ENTHD1: variants seen among roughly 807,000 people sequenced by gnomAD.
The protein encoded by ENTHD1 is ENTH domain containing 1.
In ENTHD1, 23 loss-of-function variants were observed where a neutral mutation model predicts 39.1. The observed-to-expected ratio is 0.59, with a 90% CI of 0.42 to 0.83. The LOEUF (loss-of-function observed/expected upper bound fraction) is 0.83, where lower values mean the gene tolerates loss of function less well. Ranked by LOEUF, ENTHD1 falls within the 40% of genes least tolerant of loss-of-function variation. ENTHD1 has a pLI of 0.00. For synonymous variants in ENTHD1, 230 were observed against 258.2 expected (o/e 0.89, Z 1.05); for missense variants, 624 against 705.4 (o/e 0.88, Z 1.31).
chr22:39,861,655 A>G (rs1393175989), intron 3 of ENTHD1, 110 bp downstream of exon 3: 1 of 910,560 alleles, frequency 1.1e-6, no homozygotes, highest in African/African-American at 1.7e-5. Flanking sequence ...ATATGGTAAT[A>G]GTAATACTAA....
In ENTHD1 at chr22:39,744,061, T is replaced by C. The variant is rs768245834; in HGVS notation, c.1442A>G (p.Asp481Gly). The C allele has an allele frequency of 3.1e-6, 5 of 1,614,134 alleles. No homozygotes were observed. The Admixed American group carries it at 8.3e-5, about 27-fold the overall frequency. The change falls in exon 7 of 7, where the codon GAT (aspartate) becomes GGT (glycine). Residue 481 changes from aspartate to glycine, a missense_variant. Asp to Gly is a moderately conservative substitution (Grantham distance 94). Transcript: ENST00000325157. ...SFASRGPVSS[D>G]VEENDSLNLL... ...ATTGAGGCTATCATTTTCCTCTACA[T>C]CAGAAGACACTGGGCCCCTAGAAGC... is the stretch of plus-strand genomic sequence containing the variant.
chr22:39,868,046 T>G (rs767419977), intron 2 of ENTHD1, among the ~76,000 whole-genome samples: 5 of 152,060 alleles, frequency 3.3e-5, no homozygotes, highest in African/African-American at 4.8e-5. Flanking sequence ...GGTCTCACTC[T>G]TTAATGTTAT....
chr22:39,752,841 T>A (rs1452977183), intron 6 of ENTHD1, among the ~76,000 whole-genome samples: 1 of 152,242 alleles, frequency 6.6e-6, no homozygotes, highest in South Asian at 2.1e-4. Flanking sequence ...AACTCTACTC[T>A]GCACGGTGCT....
intron 5 of ENTHD1, among the ~76,000 whole-genome samples, chr22:39,783,862 A>T (rs2065432778): frequency 6.6e-6 from 1 of 152,150 alleles, no homozygotes; most frequent in Admixed American, 6.6e-5. Context: ...TGTTAAGACC[A>T]CAAAATCTCA....
chr22:39,892,757 C>T (rs2066437166), intron 1 of ENTHD1, among the ~76,000 whole-genome samples: 1 of 152,170 alleles, frequency 6.6e-6, no homozygotes. Flanking sequence ...GAGAAAAGAA[C>T]AGCTCTTGTG....
At chr22:39,782,746 A>G (rs893535896) in intron 5 of ENTHD1, among the ~76,000 whole-genome samples, 5 of 151,708 alleles carry the variant, frequency 3.3e-5, no homozygotes, top group Non-Finnish European at 7.4e-5. Flanking sequence ...CAGAAAAAGT[A>G]TTCAATAACA....
At chr22:39,833,015 C>T (rs1422088960) in intron 4 of ENTHD1, among the ~76,000 whole-genome samples, 1 of 152,062 alleles carries the variant, frequency 6.6e-6, no homozygotes, top group Non-Finnish European at 1.5e-5. Flanking sequence ...AATCTGGGGG[C>T]GACTGGGGTA....
chr22:39,861,617 G>A (rs755121623), intron 3 of ENTHD1, 148 bp downstream of exon 3: 216 of 537,638 alleles, frequency 4.0e-4, no homozygotes, highest in Admixed American at 2.7e-4. Context: ...AATATTCTTC[G>A]TTGTTGTTTT....
At chr22:39,815,802 C>T (rs913101356) in intron 5 of ENTHD1, among the ~76,000 whole-genome samples, 7 of 151,914 alleles carry the variant, frequency 4.6e-5, no homozygotes, top group South Asian at 2.1e-4. Context: ...TACTGTACAG[C>T]GGTGAAAATA....
At chr22:39,827,319 G>A (rs2065834995) in intron 4 of ENTHD1, among the ~76,000 whole-genome samples, 1 of 151,986 alleles carries the variant, frequency 6.6e-6, no homozygotes, top group South Asian at 2.1e-4. Context: ...TCAGCCCAGG[G>A]TAACATTTTG....
chr22:39,765,138 A>G (rs1248286232), intron 6 of ENTHD1, 85 bp downstream of exon 6: 1 of 1,441,672 alleles, frequency 6.9e-7, no homozygotes, highest in East Asian at 2.5e-5. Context: ...GACAGAAAGC[A>G]GAGAAAAGTA....
At position 39,861,768 on chromosome 22, in the gene ENTHD1, T is replaced by A. The variant is rs766476782; in HGVS notation, c.589A>T (p.Lys197Ter). The A allele has an allele frequency of 6.5e-7, 1 of 1,533,058 alleles. No homozygotes were observed. The allele number at this position is 1,533,058 out of a possible 1,614,324, so 95.0% of individuals were successfully genotyped here. A position where few individuals can be genotyped will look rare whatever the true frequency, so the allele number is the denominator to read the frequency against. ...KLPKFGRLHN[K>*]RNVCKAGLKQ... ...GGCCAATGTTCATTATACGTACTTT[T>A]ATTATGTAACCTTCCAAACTTAGGA... The change falls in exon 3 of 7, where the codon AAA (lysine) becomes TAA (stop). Residue 197 changes from lysine (K) to a stop codon, truncating the protein, a stop_gained. Transcript: ENST00000325157. LOFTEE classifies it high-confidence loss of function.
chr22:39,866,944 C>G (rs999843415), intron 2 of ENTHD1, among the ~76,000 whole-genome samples: 4 of 152,122 alleles, frequency 2.6e-5, no homozygotes, highest in Non-Finnish European at 5.9e-5. Context: ...GCTCTGTTGC[C>G]CAGGCTGGAA....
At chr22:39,884,825 T>A (rs1157441350) in intron 2 of ENTHD1, among the ~76,000 whole-genome samples, 1 of 152,176 alleles carries the variant, frequency 6.6e-6, no homozygotes, top group Admixed American at 6.5e-5. Context: ...AAGTTAAACT[T>A]CACAGCACAT....
chr22:39,836,103 G>C (rs2065906309), intron 3 of ENTHD1, 145 bp from the exon 4 acceptor site: 1 of 492,622 alleles, frequency 2.0e-6, no homozygotes, highest in South Asian at 4.8e-5. Flanking sequence ...TAACCTATGA[G>C]TGTTAATCAC....
chr22:39,871,644 T>G (rs915088525), intron 2 of ENTHD1, among the ~76,000 whole-genome samples: 1 of 152,214 alleles, frequency 6.6e-6, no homozygotes, highest in African/African-American at 2.4e-5. Flanking sequence ...TTGTCGTCCA[T>G]CTGAGTACAA....
At chr22:39,793,341 GT>G (rs78459155) in intron 5 of ENTHD1, among the ~76,000 whole-genome samples, 2,525 of 129,952 alleles carry the variant, frequency 0.019, 36 homozygotes, top group African/African-American at 0.047. Context: ...ATTATTAGTT[GT>G]TTTTTTTTTT....
intron 4 of ENTHD1, among the ~76,000 whole-genome samples, chr22:39,834,918 T>C (rs923309641): frequency 6.6e-6 from 1 of 152,108 alleles, no homozygotes; most frequent in Non-Finnish European, 1.5e-5. Flanking sequence ...GTTATAGACA[T>C]GACAAACACT....
intron 2 of ENTHD1, among the ~76,000 whole-genome samples, chr22:39,874,890 A>G (rs1443968907): frequency 6.6e-6 from 1 of 152,200 alleles, no homozygotes; most frequent in African/African-American, 2.4e-5. Flanking sequence ...GATGTGAACA[A>G]CAAATTCTCA....
Sources: allele counts gnomAD v4.1 joint callset (sites outside exome capture counted in the v4.1 genomes callset), GRCh38; gene constraint gnomAD v4.1.1; transcripts MANE v1.5; gene names NCBI Gene and HGNC (gene_info 2026-07-23, HGNC 2026-07-21).